Variants in WWOX observed in about 807,000 individuals in gnomAD.
The protein encoded by WWOX is WW domain containing oxidoreductase.
WWOX carries 69 observed loss-of-function variants against 46.2 expected under a neutral mutation model. The observed-to-expected ratio is 1.49, with a 90% confidence interval of 1.23 to 1.82. The LOEUF is 1.82. WWOX is among the 40% of genes most tolerant of loss of function. The probability of loss-of-function intolerance (pLI) is 0.00; values close to 1 mark genes in which losing one functional copy is unlikely to be tolerated. For synonymous variants in WWOX, 359 were observed against 202.6 expected (o/e 1.77, Z -6.56); for missense variants, 919 against 542.6 (o/e 1.69, Z -6.89).
chr16:78,466,404 T>C (rs1387942316), intron 8 of WWOX, among the ~76,000 whole-genome samples: 1 of 152,300 alleles, frequency 6.6e-6, no homozygotes, highest in East Asian at 1.9e-4. Context: ...ACACTGTCAA[T>C]GTACTAAATG....
At chr16:78,889,509 T>C (rs1289899719) in intron 8 of WWOX, among the ~76,000 whole-genome samples, 1 of 152,000 alleles carries the variant, frequency 6.6e-6, no homozygotes, top group Non-Finnish European at 1.5e-5. Flanking sequence ...GCTTCAAATA[T>C]AATGTATTTT....
At chr16:78,717,686 G>A (rs1430697719) in intron 8 of WWOX, among the ~76,000 whole-genome samples, 1 of 152,208 alleles carries the variant, frequency 6.6e-6, no homozygotes, top group Non-Finnish European at 1.5e-5. Flanking sequence ...AGGCACTGAA[G>A]GGCAAGACTT....
At chr16:78,621,541 G>A (rs2046181950) in intron 8 of WWOX, among the ~76,000 whole-genome samples, 1 of 144,634 alleles carries the variant, frequency 6.9e-6, no homozygotes, top group South Asian at 2.2e-4. Context: ...GCTTTTATTG[G>A]CCAGTATATT....
Position 78,647,437 on chromosome 16 carries a change from G to A in WWOX, c.1056+214685G>A, listed in dbSNP as rs143831417. Among the ~76,000 whole-genome samples, 88 of 152,164 alleles carry A rather than the reference G, an allele frequency of 5.8e-4. 1 individual carries two copies. The highest frequency in any genetic ancestry group is 2.0e-3 in the African/African-American group (84 of 41,514). On this transcript the variant is annotated intron_variant, in intron 8 of 8. Transcript: ENST00000566780. ...TCTATCATTACACAGATTAGCACACGGTTCCATGATCATGGACCCGTTCAG... is the reference window on the plus strand; with the variant it reads ...TCTATCATTACACAGATTAGCACACAGTTCCATGATCATGGACCCGTTCAG...
At chr16:78,689,625 G>A (rs143749361) in intron 8 of WWOX, among the ~76,000 whole-genome samples, 5 of 152,158 alleles carry the variant, frequency 3.3e-5, no homozygotes, top group African/African-American at 1.2e-4. Flanking sequence ...TGCTAACTTG[G>A]TTAAGTTGGA....
chr16:79,030,946 G>A (rs559592133), intron 8 of WWOX, among the ~76,000 whole-genome samples: 1 of 151,956 alleles, frequency 6.6e-6, no homozygotes, highest in East Asian at 1.9e-4. Flanking sequence ...AAATAAATTG[G>A]CTGGGTATGG....
At position 79,033,175 on chromosome 16, in the gene WWOX, T is replaced by C. The variant is rs1391293405; in HGVS notation, c.1057-178433T>C. ...ATATAATATATATATAAAATATATA[T>C]TATGTATAGATAATTTATATATAAA... On this transcript the variant is annotated intron_variant, in intron 8 of 8. Transcript: ENST00000566780. Among the ~76,000 whole-genome samples, 6 of 145,582 alleles carry C rather than the reference T, an allele frequency of 4.1e-5. No homozygotes were observed. In the South Asian group the frequency reaches 1.3e-3, roughly 32 times the overall value.
chr16:78,115,426 C>T (rs939666839), intron 4 of WWOX, among the ~76,000 whole-genome samples: 2 of 152,096 alleles, frequency 1.3e-5, no homozygotes, highest in Non-Finnish European at 2.9e-5. Flanking sequence ...CAACAGGCTC[C>T]GTCTAAGAGT....
At chr16:78,313,451 C>G (rs1266947478) in intron 5 of WWOX, among the ~76,000 whole-genome samples, 1 of 152,204 alleles carries the variant, frequency 6.6e-6, no homozygotes, top group East Asian at 1.9e-4. Context: ...ACCACAAGCT[C>G]TGCCTCCCGT....
chr16:78,423,897 G>C (rs900633418), intron 6 of WWOX, among the ~76,000 whole-genome samples: 1 of 151,198 alleles, frequency 6.6e-6, no homozygotes, highest in Non-Finnish European at 1.5e-5. Context: ...ACTATGACAG[G>C]CTTCCACTTA....
At chr16:78,394,842 G>A (rs1382808255) in intron 6 of WWOX, among the ~76,000 whole-genome samples, 1 of 152,220 alleles carries the variant, frequency 6.6e-6, no homozygotes, top group African/African-American at 2.4e-5. Flanking sequence ...GTATGCCCTG[G>A]AGTAGTGTAA....
intron 8 of WWOX, among the ~76,000 whole-genome samples, chr16:79,042,812 C>G (rs750561020): frequency 1.4e-4 from 21 of 150,972 alleles, no homozygotes; most frequent in Non-Finnish European, 2.7e-4. Flanking sequence ...TTGAACCATG[C>G]AAGTACCAAA....
intron 8 of WWOX, among the ~76,000 whole-genome samples, chr16:78,831,319 A>G (rs952473818): frequency 1.3e-5 from 2 of 152,208 alleles, no homozygotes; most frequent in African/African-American, 4.8e-5. Flanking sequence ...TATCCCCTGA[A>G]GTAGCCCCTG....
At chr16:78,174,985 C>G (rs1343487748) in intron 5 of WWOX, among the ~76,000 whole-genome samples, 1 of 107,040 alleles carries the variant, frequency 9.3e-6, no homozygotes, top group African/African-American at 3.3e-5. Flanking sequence ...AAGACTCTGT[C>G]TCAAAAATAA....
At chr16:79,092,954 T>C (rs1362131981) in intron 8 of WWOX, among the ~76,000 whole-genome samples, 1 of 152,180 alleles carries the variant, frequency 6.6e-6, no homozygotes, top group Non-Finnish European at 1.5e-5. Flanking sequence ...TAGAATGCTA[T>C]TTTCTAGTTA....
At chr16:79,171,623 A>G (rs2050701431) in intron 8 of WWOX, among the ~76,000 whole-genome samples, 1 of 152,204 alleles carries the variant, frequency 6.6e-6, no homozygotes, top group Non-Finnish European at 1.5e-5. Flanking sequence ...CTCAGTGTTG[A>G]GTCCAGCCAC....
At chr16:78,548,188 T>G (rs2044090886) in intron 8 of WWOX, among the ~76,000 whole-genome samples, 2 of 132,990 alleles carry the variant, frequency 1.5e-5, no homozygotes, top group African/African-American at 5.3e-5. Context: ...ATTACGAATT[T>G]TGCGAGGACG....
chr16:78,975,569 T>C (rs1262804481), intron 8 of WWOX, among the ~76,000 whole-genome samples: 1 of 152,104 alleles, frequency 6.6e-6, no homozygotes, highest in African/African-American at 2.4e-5. Context: ...GAATGCCTGT[T>C]CATGTACCAT....
rs189002026 is a variant in WWOX at position 79,145,058 on chromosome 16, C to T, written c.1057-66550C>T. ...ACATAAATTTGCCTGTAAGTGAGCG[C>T]GTTCTTGGATTTTGTTGAATGGTGC... On this transcript the variant is annotated intron_variant, in intron 8 of 8. Coordinates refer to ENST00000566780, the MANE Select transcript of WWOX (RefSeq NM_016373.4). Among the ~76,000 whole-genome samples, 146 of 152,224 alleles carry T rather than the reference C, an allele frequency of 9.6e-4. 1 individual carries two copies. The highest frequency in any genetic ancestry group is 3.4e-3 in the Middle Eastern group (1 of 294).
Sources: allele counts gnomAD v4.1 joint callset (sites outside exome capture counted in the v4.1 genomes callset), GRCh38; gene constraint gnomAD v4.1.1; transcripts MANE v1.5; gene names NCBI Gene and HGNC (gene_info 2026-07-23, HGNC 2026-07-21).